HMGCLL1: variants seen among roughly 807,000 people sequenced by gnomAD.
HMGCLL1 encodes the protein 3-hydroxy-3-methylglutaryl-CoA lyase like 1, also known as 3-hydroxymethyl-3-methylglutaryl-CoA lyase, cytoplasmic.
Under a neutral mutation model 39.1 loss-of-function variants are expected in HMGCLL1, and 36 were observed. The ratio of observed to expected loss-of-function variants is 0.92; its 90% CI spans 0.71 to 1.22. HMGCLL1 has a LOEUF of 1.22. HMGCLL1 is among the 50% of genes most tolerant of loss of function. HMGCLL1 has a pLI of 0.00. For missense variants in HMGCLL1, 451 were observed against 416.5 expected, an observed-to-expected ratio of 1.08 and a Z score of -0.72; for synonymous variants, 149 against 144.0, an observed-to-expected ratio of 1.03 and a Z score of -0.25.
chr6:55,475,918 T>C (rs567035916), intron 7 of HMGCLL1, among the ~76,000 whole-genome samples: 2 of 151,830 alleles, frequency 1.3e-5, no homozygotes, highest in African/African-American at 4.8e-5. Flanking sequence ...TGAATTTCTT[T>C]CTCAGCTCTC....
chr6:55,499,330 C>T, intron 5 of HMGCLL1, 31 bp from the exon 6 acceptor site: 1 of 1,498,146 alleles, frequency 6.7e-7, no homozygotes, highest in Non-Finnish European at 9.1e-7. Context: ...TATAAATATG[C>T]ATATGGTAAA....
At chr6:55,503,166 A>C (rs1766982910) in intron 5 of HMGCLL1, among the ~76,000 whole-genome samples, 1 of 151,776 alleles carries the variant, frequency 6.6e-6, no homozygotes, top group African/African-American at 2.4e-5. Context: ...ACCCTGTGGA[A>C]TTTATCAATT....
chr6:55,534,593 GAAGA>G (rs1474522834), intron 3 of HMGCLL1, among the ~76,000 whole-genome samples: 1 of 152,082 alleles, frequency 6.6e-6, no homozygotes, highest in Admixed American at 6.6e-5. Flanking sequence ...GAGAACACAG[GAAGA>G]GAGAGGTGGA....
intron 7 of HMGCLL1, among the ~76,000 whole-genome samples, chr6:55,481,540 C>T (rs891450731): frequency 2.6e-5 from 4 of 151,422 alleles, no homozygotes; most frequent in Non-Finnish European, 5.9e-5. Flanking sequence ...ACTATGTACC[C>T]CCCAAAATGA....
chr6:55,506,934 T>C (rs1162610898), intron 5 of HMGCLL1, among the ~76,000 whole-genome samples: 12 of 151,792 alleles, frequency 7.9e-5, no homozygotes, highest in Non-Finnish European at 7.4e-5. Context: ...AATAAATTCA[T>C]GCTGGCTTTG....
intron 3 of HMGCLL1, among the ~76,000 whole-genome samples, chr6:55,529,128 C>T (rs765031658): frequency 1.8e-4 from 28 of 152,168 alleles, no homozygotes; most frequent in Non-Finnish European, 2.9e-4. Context: ...TTTGTGACCA[C>T]CCTCCTGGTC....
chr6:55,525,962 C>T (rs1322022716), intron 3 of HMGCLL1, among the ~76,000 whole-genome samples: 1 of 151,832 alleles, frequency 6.6e-6, no homozygotes, highest in Non-Finnish European at 1.5e-5. Flanking sequence ...CTAATCCCAA[C>T]TTATTGGACT....
rs150987575 is a variant in HMGCLL1, at chr6:55,539,711, G to C, written c.297+2018C>G. On this transcript the variant is annotated intron_variant, in intron 3 of 8. Transcript: ENST00000274901. ...CACTGGAGCGTATGGAAGAGTTGAG[G>C]GGGGGAGGAGGAGAGAATAAGGAAA... 5.9e-5 allele frequency among the ~76,000 whole-genome samples: 9 copies of C among 151,368 alleles called. No homozygotes were observed. In the East Asian group the frequency reaches 1.4e-3, roughly 23 times the overall value.
chr6:55,613,985 A>G, the HMGCLL1 span, among the ~76,000 whole-genome samples: 1 of 152,324 alleles, frequency 6.6e-6, no homozygotes, highest in Admixed American at 6.5e-5. Flanking sequence ...TTTAATGAAT[A>G]AAACTAATAT....
chr6:55,505,402 T>C lies in HMGCLL1; in HGVS notation c.543-6103A>G, dbSNP rs79677252. Among the ~76,000 whole-genome samples the C allele has an allele frequency of 5.8e-3, 880 of 151,748 alleles. 36 individuals carry two copies. The highest frequency in any genetic ancestry group is 0.055 in the Admixed American group (835 of 15,158). On this transcript the variant is annotated intron_variant, in intron 5 of 8. Transcript: ENST00000274901. ...TAAAGGGAATTAAGATCTATAAACA[T>C]AGGAGCTACTTTGCTACATTCATGT...
chr6:55,496,441 C>A (rs539080051), intron 6 of HMGCLL1, among the ~76,000 whole-genome samples: 1 of 152,192 alleles, frequency 6.6e-6, no homozygotes, highest in Non-Finnish European at 1.5e-5. Context: ...ACATACTGAA[C>A]TATTGTAATA....
chr6:55,441,148 G>A (rs1167881621), intron 7 of HMGCLL1, among the ~76,000 whole-genome samples: 1 of 152,056 alleles, frequency 6.6e-6, no homozygotes, highest in Non-Finnish European at 1.5e-5. Flanking sequence ...CCAAGGAGTG[G>A]GGTGGGGGTC....
At chr6:55,661,956 A>G in the HMGCLL1 span, among the ~76,000 whole-genome samples, 2 of 151,820 alleles carry the variant, frequency 1.3e-5, no homozygotes, top group East Asian at 1.9e-4. Flanking sequence ...ATTCGTAGGT[A>G]TATTCTTTTT....
the HMGCLL1 span, among the ~76,000 whole-genome samples, chr6:55,609,413 AC>A: frequency 2.6e-5 from 4 of 152,040 alleles, no homozygotes; most frequent in Non-Finnish European, 5.9e-5. Flanking sequence ...TGGCTGTGGC[AC>A]CCCATGGCCA....
chr6:55,438,058 T>C (rs181908510), intron 8 of HMGCLL1, among the ~76,000 whole-genome samples: 37 of 152,152 alleles, frequency 2.4e-4, no homozygotes, highest in Middle Eastern at 6.8e-3. Context: ...TTATTTGCAT[T>C]TGGACTCCAG....
the HMGCLL1 span, among the ~76,000 whole-genome samples, chr6:55,594,014 A>C: frequency 6.6e-6 from 1 of 152,200 alleles, no homozygotes; most frequent in Non-Finnish European, 1.5e-5. Context: ...AATTATCACC[A>C]AATATATTAT....
chr6:55,605,687 C>T, the HMGCLL1 span, among the ~76,000 whole-genome samples: 1 of 152,070 alleles, frequency 6.6e-6, no homozygotes, highest in African/African-American at 2.4e-5. Flanking sequence ...GGTCTAACAG[C>T]AAATATTCTA....
chr6:55,672,290 T>A, the HMGCLL1 span, among the ~76,000 whole-genome samples: 1 of 151,732 alleles, frequency 6.6e-6, no homozygotes, highest in Non-Finnish European at 1.5e-5. Flanking sequence ...CTGCAAATTT[T>A]ATGTCATCTG....
At chr6:55,522,885 A>C (rs1768108074) in intron 3 of HMGCLL1, among the ~76,000 whole-genome samples, 1 of 151,998 alleles carries the variant, frequency 6.6e-6, no homozygotes, top group Admixed American at 6.6e-5. Flanking sequence ...TGGGGTGGAA[A>C]TATTAAAAGT....
Sources: allele counts gnomAD v4.1 joint callset (sites outside exome capture counted in the v4.1 genomes callset), GRCh38; gene constraint gnomAD v4.1.1; transcripts MANE v1.5; gene names NCBI Gene and HGNC (gene_info 2026-07-23, HGNC 2026-07-21).